ZBTB43: variants seen among roughly 807,000 people sequenced by gnomAD.
ZBTB43 encodes the protein zinc finger and BTB domain containing 43, also known as zinc finger and BTB domain-containing protein 43.
Under a neutral mutation model 31.1 loss-of-function variants are expected in ZBTB43, and 6 were observed. The observed-to-expected ratio is 0.19, with a 90% CI of 0.11 to 0.38. The LOEUF is 0.38. Ranked by LOEUF, ZBTB43 falls within the 10% of genes least tolerant of loss-of-function variation. ZBTB43 has a pLI of 1.00. For synonymous variants in ZBTB43, 212 were observed against 221.7 expected, an observed-to-expected ratio of 0.96 and a Z score of 0.39; for missense variants, 379 against 602.1, an observed-to-expected ratio of 0.63 and a Z score of 3.88.
intron 2 of ZBTB43, among the ~76,000 whole-genome samples, chr9:126,811,932 C>G (rs1011723243): frequency 1.2e-4 from 19 of 152,138 alleles, no homozygotes; most frequent in African/African-American, 4.3e-4. Flanking sequence ...CCACATTACT[C>G]TTTTTTAAAC....
chr9:126,808,405 G>GA (rs1252530279), intron 1 of ZBTB43, among the ~76,000 whole-genome samples: 1 of 151,914 alleles, frequency 6.6e-6, no homozygotes, highest in African/African-American at 2.4e-5. Flanking sequence ...TTCTAATTAG[G>GA]AAAAAAATGG....
Position 126,832,814 on chromosome 9 carries a change from G to A in ZBTB43, c.305G>A (p.Ser102Asn). ...RLVMPAPEIV[S>N]YLTAASFLQM... ...GTAATGCCCGCTCCAGAAATTGTTA[G>A]TTACTTGACAGCGGCAAGCTTCCTC... The change falls in exon 3 of 3, where the codon AGT becomes AAT. Residue 102 changes from serine to asparagine, a missense_variant. Physicochemically the swap from Ser to Asn is conservative, Grantham distance 46 (BLOSUM62 1). Transcript: ENST00000373464. 6.2e-7 allele frequency: 1 copy of A among 1,614,168 alleles called. No homozygotes were observed. The highest frequency in any genetic ancestry group is 1.6e-4 in the Middle Eastern group (1 of 6,062).
chr9:126,815,397 A>C (rs549870995), intron 2 of ZBTB43, among the ~76,000 whole-genome samples: 70 of 149,012 alleles, frequency 4.7e-4, no homozygotes, highest in Non-Finnish European at 8.8e-4. Flanking sequence ...CTGATAGCTT[A>C]TCACATAAAA....
chr9:126,807,408 CAG>C (rs980846015), intron 1 of ZBTB43, among the ~76,000 whole-genome samples: 44 of 152,136 alleles, frequency 2.9e-4, no homozygotes, highest in African/African-American at 9.7e-4. Context: ...CTTTTCAATT[CAG>C]AGTGTGTCCA....
rs975673982 is a variant in ZBTB43 at position 126,837,338 on chromosome 9, A to G, written c.*3425A>G. 6.0e-6 allele frequency: 1 copy of G among 167,196 alleles called. No individual in the cohort carries two copies. Among genetic ancestry groups the G allele is most frequent in the African/African-American group, 2.4e-5 (1 of 41,566 alleles). 10.4% of individuals were successfully genotyped at this position (167,196 alleles called of 1,614,324 possible). A position where few individuals can be genotyped will look rare whatever the true frequency, so the allele number is the denominator to read the frequency against. ...GCCACTACTTTAAAAGCTTGCCCAA[A>G]GGGATCCCCTCCATTCTAGTGGGCA... On this transcript the variant is annotated 3_prime_UTR_variant, in exon 3 of 3. Transcript: ENST00000373464.
chr9:126,826,575 C>T (rs913054730), intron 2 of ZBTB43, among the ~76,000 whole-genome samples: 1 of 148,376 alleles, frequency 6.7e-6, no homozygotes, highest in East Asian at 2.0e-4. Context: ...GCCATTCTCC[C>T]ACATCAGCCT....
rs1209716541 is a variant in ZBTB43 at position 126,808,890 on chromosome 9, A to G, written c.-49A>G. ...TGATGGCCATGGCATAAGGAACTCTATCCCAGGAATACAGCTTTGCATTAG... is the reference window on the plus strand; with the variant it reads ...TGATGGCCATGGCATAAGGAACTCTGTCCCAGGAATACAGCTTTGCATTAG... On this transcript the variant is annotated 5_prime_UTR_variant, in exon 2 of 3. Coordinates refer to ENST00000373464, the MANE Select transcript of ZBTB43 (RefSeq NM_014007.4). 5 of 152,228 alleles carry G rather than the reference A, an allele frequency of 3.3e-5. No homozygotes were observed. The highest frequency in any genetic ancestry group is 7.3e-5 in the Non-Finnish European group (5 of 68,044). The allele number at this position is 152,228 out of a possible 1,614,324, so 9.4% of individuals were successfully genotyped here. A position where few individuals can be genotyped will look rare whatever the true frequency, so the allele number is the denominator to read the frequency against.
intron 2 of ZBTB43, among the ~76,000 whole-genome samples, chr9:126,812,014 CA>C (rs1358504429): frequency 4.6e-5 from 7 of 152,022 alleles, no homozygotes; most frequent in Non-Finnish European, 7.4e-5. Context: ...TTTGTATACC[CA>C]TCACCACAAT....
Position 126,819,560 on chromosome 9 carries a change from C to T in ZBTB43, c.-24+10645C>T, listed in dbSNP as rs187452889. Among the ~76,000 whole-genome samples the T allele has an allele frequency of 1.9e-3, 289 of 152,226 alleles. 2 individuals carry two copies. Among genetic ancestry groups the T allele is most frequent in the African/African-American group, 6.8e-3 (281 of 41,524 alleles). On this transcript the variant is annotated intron_variant, in intron 2 of 2. Transcript: ENST00000373464. ...AGTCAATAAATGTGTGTTCTGACTA[C>T]TCCACTGACCCACCATTCCCCCATC...
intron 1 of ZBTB43, among the ~76,000 whole-genome samples, chr9:126,806,051 A>AGAGCAGCTTGATGAGTCCTCTCCT (rs2032121237): frequency 6.6e-6 from 1 of 152,220 alleles, no homozygotes; most frequent in Non-Finnish European, 1.5e-5. Flanking sequence ...TTTTAGGGCC[A>AGAGCAGCTTGATGAGTCCTCTCCT]GAGCAGCTTG....
chr9:126,823,760 T>C (rs1328744266), intron 2 of ZBTB43, among the ~76,000 whole-genome samples: 1 of 152,184 alleles, frequency 6.6e-6, no homozygotes, highest in Non-Finnish European at 1.5e-5. Context: ...TTTGTGTATG[T>C]TTTTAGTTAT....
intron 1 of ZBTB43, among the ~76,000 whole-genome samples, chr9:126,805,639 C>G (rs1049798712): frequency 1.3e-5 from 2 of 152,234 alleles, no homozygotes; most frequent in African/African-American, 4.8e-5. Context: ...TGTCTTTCAG[C>G]TAGGTCGCTG....
intron 2 of ZBTB43, among the ~76,000 whole-genome samples, chr9:126,810,820 A>G (rs1418936473): frequency 6.6e-6 from 1 of 151,810 alleles, no homozygotes. Flanking sequence ...TCTTAAGTCT[A>G]AGGATGGTCA....
chr9:126,810,009 G>C lies in ZBTB43; in HGVS notation c.-24+1094G>C, dbSNP rs1419023001. 4.6e-5 allele frequency among the ~76,000 whole-genome samples: 7 copies of C among 151,924 alleles called. No individual in the cohort carries two copies. The East Asian group carries it at 1.4e-3, about 29-fold the overall frequency. ...GCCACCACACCCGGCTAATTTTTTT[G>C]TATTTTTAGTAGAGATGGGGTTTCA... On this transcript the variant is annotated intron_variant, in intron 2 of 2. Coordinates refer to ENST00000373464, the MANE Select transcript of ZBTB43 (RefSeq NM_014007.4).
At chr9:126,823,430 T>C (rs2032561100) in intron 2 of ZBTB43, among the ~76,000 whole-genome samples, 1 of 152,226 alleles carries the variant, frequency 6.6e-6, no homozygotes, top group African/African-American at 2.4e-5. Context: ...TCTCAGGCCA[T>C]TTTTTGTTGT....
chr9:126,823,679 C>T (rs2032566447), intron 2 of ZBTB43, among the ~76,000 whole-genome samples: 1 of 152,172 alleles, frequency 6.6e-6, no homozygotes, highest in Non-Finnish European at 1.5e-5. Flanking sequence ...TCCATTATTG[C>T]CCCCATCCTA....
chr9:126,805,431 G>C (rs1397297031), intron 1 of ZBTB43, among the ~76,000 whole-genome samples: 1 of 151,564 alleles, frequency 6.6e-6, no homozygotes, highest in Non-Finnish European at 1.5e-5. Context: ...TAGAGATCCC[G>C]CCCCCGTCCG....
chr9:126,822,099 G>C (rs537557956), intron 2 of ZBTB43, among the ~76,000 whole-genome samples: 1 of 151,464 alleles, frequency 6.6e-6, no homozygotes, highest in South Asian at 2.1e-4. Context: ...TCAGGTGCTC[G>C]CCCGCCTGGG....
chr9:126,824,891 T>C (rs1009206271), intron 2 of ZBTB43, among the ~76,000 whole-genome samples: 52 of 152,178 alleles, frequency 3.4e-4, no homozygotes, highest in African/African-American at 9.4e-4. Flanking sequence ...GGAACTCCCA[T>C]GATATGTATG....
Sources: gnomAD v4.1 joint callset for allele counts (sites outside exome capture counted in the v4.1 genomes callset) on GRCh38, gnomAD v4.1.1 for gene constraint, MANE v1.5 for transcripts, NCBI Gene and HGNC (gene_info 2026-07-23, HGNC 2026-07-21) for gene names.